SHARPIN: variants seen among roughly 807,000 people sequenced by gnomAD.
The protein encoded by SHARPIN is hSIPL1.
SHARPIN carries 25 observed loss-of-function variants against 40.3 expected under a neutral mutation model. The observed-to-expected ratio is 0.62, with a 90% CI of 0.45 to 0.87. The LOEUF (loss-of-function observed/expected upper bound fraction) is 0.87. SHARPIN is among the 40% of genes least tolerant of loss of function. The pLI is 0.00. For missense variants in SHARPIN, 551 were observed against 516.1 expected (o/e 1.07, Z -0.66); for synonymous variants, 274 against 221.8 (o/e 1.24, Z -2.09).
chr8:144,103,481 G>C, intron 1 of SHARPIN, 72 bp downstream of exon 1: 1 of 1,441,296 alleles, frequency 6.9e-7, no homozygotes, highest in Non-Finnish European at 9.3e-7. Flanking sequence ...GGCAAGCGGA[G>C]GGGCCTAACT....
Position 144,099,591 on chromosome 8 carries a change from G to C in SHARPIN, c.687C>G (p.Ala229=). Residue 229 remains alanine, a synonymous_variant, in exon 5 of 9, where the codon GCC becomes GCG. Coordinates refer to ENST00000398712, the MANE Select transcript of SHARPIN (RefSeq NM_030974.4). ...IRLQVTLEDA[A]SAASAASSAH... is the part of the protein sequence containing the mutation. ...CAGAGGACGCGGCGGATGCGGCAGA[G>C]GCAGCGTCTTCAAGTGTGACCTGCA... 1 of 1,614,082 alleles carries C rather than the reference G, an allele frequency of 6.2e-7. No individual in the cohort carries two copies.
rs1260749602 is a variant in SHARPIN at position 144,099,398 on chromosome 8, C to G, written c.801G>C (p.Val267=). The G allele has an allele frequency of 1.2e-6, 2 of 1,613,018 alleles. No individual in the cohort carries two copies. Among genetic ancestry groups the G allele is most frequent in the Non-Finnish European group, 1.7e-6 (2 of 1,179,504 alleles). ...GGCACCGTCCGATGACCCAGCGTTG[C>G]ACGGCTGGCGGGAAACCGAGCTCTG... ...VFSELGFPPA[V]QRWVIGRCLC... Residue 267 remains valine (V), a synonymous_variant, in exon 6 of 9, where the codon GTG becomes GTC. Transcript: ENST00000398712.
chr8:144,103,366 CT>C (rs1836329856), intron 1 of SHARPIN, 141 bp from the exon 2 acceptor site: 1 of 1,128,858 alleles, frequency 8.9e-7, no homozygotes. Context: ...CACAATAGCC[CT>C]GTAAAGTAGG....
At position 144,103,359 on chromosome 8, in the gene SHARPIN, A is replaced by G; in HGVS notation, c.202-134T>C. ...TGTACGCCTATCATCAAATCCTCAC[A>G]ATAGCCCTGTAAAGTAGGTCCAGGT... On this transcript the variant is annotated intron_variant, in intron 1 of 8. Coordinates refer to ENST00000398712, the MANE Select transcript of SHARPIN (RefSeq NM_030974.4). 3 of 1,148,644 alleles carry G rather than the reference A, an allele frequency of 2.6e-6. No homozygotes were observed. The South Asian group carries it at 4.6e-5, about 18-fold the overall frequency. 71.2% of individuals were successfully genotyped at this position (1,148,644 alleles called of 1,614,324 possible).
intron 5 of SHARPIN, 21 bp from the exon 6 acceptor site, chr8:144,099,451 C>G (rs755680467): frequency 3.7e-6 from 6 of 1,608,670 alleles, no homozygotes; most frequent in Non-Finnish European, 5.1e-6. Flanking sequence ...AGCATCAGGG[C>G]AGGTGATGTC....
At chr8:144,103,277 C>A in intron 1 of SHARPIN, 52 bp from the exon 2 acceptor site, 9 of 1,538,952 alleles carry the variant, frequency 5.8e-6, no homozygotes, top group Non-Finnish European at 7.0e-6. Flanking sequence ...CTACATCGCA[C>A]GAGGAGCAAA....
chr8:144,101,322 G>C (rs1836282622), intron 2 of SHARPIN, among the ~76,000 whole-genome samples: 2 of 149,038 alleles, frequency 1.3e-5, no homozygotes, highest in South Asian at 4.2e-4. Context: ...CTGCAGCCTA[G>C]AACCCCTGGG....
chr8:144,099,658 G>C (rs758854912), intron 4 of SHARPIN, 40 bp from the exon 5 acceptor site: 1 of 1,613,166 alleles, frequency 6.2e-7, no homozygotes, highest in Non-Finnish European at 8.5e-7. Context: ...TGGGGGACCT[G>C]GGATGGTCAC....
intron 2 of SHARPIN, 31 bp from the exon 3 acceptor site, chr8:144,100,100 TGGCCTCTGTCCA>T: frequency 1.3e-6 from 2 of 1,538,906 alleles, no homozygotes; most frequent in Non-Finnish European, 1.7e-6. Flanking sequence ...TGCTGTGCTG[TGGCCTCTGTCCA>T]GGCCTCTAGG....
chr8:144,098,946 G>A lies in SHARPIN; in HGVS notation c.1096C>T (p.Pro366Ser). The A allele has an allele frequency of 6.3e-7, 1 of 1,592,468 alleles. No homozygotes were observed. The highest frequency in any genetic ancestry group is 1.4e-5 in the African/African-American group (1 of 73,420). Reference protein sequence around the residue: ...SCTFINAPDRPGCEMCSTQRP... With the variant: ...SCTFINAPDRSGCEMCSTQRP... ...TGGGTGCTACACATCTCACAGCCAG[G>A]GCGGTCTGGGGCATTGATGAAGGTG... Residue 366 changes from proline to serine, a missense_variant, in exon 8 of 9, where the codon CCT becomes TCT. Physicochemically the swap from Pro to Ser is moderately conservative, Grantham distance 74. Transcript: ENST00000398712.
chr8:144,103,701 G>A lies in SHARPIN; in HGVS notation c.53C>T (p.Ala18Val), dbSNP rs1203741911. ...AAAAASDLGS[A>V]AVLLAVHAAV... ...GGCGTGCACAGCCAAGAGCACTGCG[G>A]CGGAGCCCAAGTCCGAGGCCGCCGC... Residue 18 changes from alanine to valine, a missense_variant, in exon 1 of 9, where the codon GCC becomes GTC. By Grantham distance (64) the Ala-to-Val change is moderately conservative. Transcript: ENST00000398712. 5 of 1,479,322 alleles carry A rather than the reference G, an allele frequency of 3.4e-6. No homozygotes were observed. Among genetic ancestry groups the A allele is most frequent in the African/African-American group, 2.9e-5 (2 of 67,990 alleles). 91.6% of individuals were successfully genotyped at this position (1,479,322 alleles called of 1,614,324 possible).
intron 1 of SHARPIN, 39 bp downstream of exon 1, chr8:144,103,514 G>C: frequency 6.6e-7 from 1 of 1,523,646 alleles, no homozygotes; most frequent in Non-Finnish European, 8.8e-7. Flanking sequence ...CCCTGCCCGG[G>C]CCAAGAGGAC....
rs201668898 is a variant in SHARPIN, at chr8:144,099,584, C to T, written c.694G>A (p.Ala232Thr). Residue 232 changes from alanine to threonine, a missense_variant, in exon 5 of 9, where the codon GCA (alanine) becomes ACA (threonine). Physicochemically the swap from Ala to Thr is moderately conservative, Grantham distance 58. Transcript: ENST00000398712. ...ACGTGTGCAGAGGACGCGGCGGATG[C>T]GGCAGAGGCAGCGTCTTCAAGTGTG... is the stretch of plus-strand genomic sequence containing the variant. ...QVTLEDAASA[A>T]SAASSAHVAL... 1.7e-4 allele frequency: 277 copies of T among 1,613,940 alleles called. No homozygotes were observed. Among genetic ancestry groups the T allele is most frequent in the Non-Finnish European group, 2.2e-4 (260 of 1,179,988 alleles).
intron 2 of SHARPIN, among the ~76,000 whole-genome samples, chr8:144,101,403 ATTTTTTTTT>A (rs34270727): frequency 3.2e-5 from 3 of 92,422 alleles, no homozygotes; most frequent in African/African-American, 9.0e-5. Flanking sequence ...CACTCAGCTA[ATTTTTTTTT>A]TTTTTTTTTT....
chr8:144,103,440 A>G, intron 1 of SHARPIN, 113 bp downstream of exon 1: 1 of 1,222,988 alleles, frequency 8.2e-7, no homozygotes, highest in Non-Finnish European at 1.1e-6. Context: ...AACAGAAGCA[A>G]AGAAACATAA....
In SHARPIN at chr8:144,099,853, TA is replaced by T. The variant is rs747883788; in HGVS notation, c.518-10del. 2 of 1,611,864 alleles carry T rather than the reference TA, an allele frequency of 1.2e-6. No individual in the cohort carries two copies. Among genetic ancestry groups the T allele is most frequent in the South Asian group, 2.2e-5 (2 of 91,022 alleles). On this transcript the variant is annotated splice_polypyrimidine_tract_variant and intron_variant, in intron 3 of 8. Coordinates refer to ENST00000398712, the MANE Select transcript of SHARPIN (RefSeq NM_030974.4). Reference sequence around the variant, plus strand: ...GCTCCCTGCCAGCTCTTCTGCAGGGTAAGGAAAGGACAGCTGTCACCACTGG... The same window carrying T: ...GCTCCCTGCCAGCTCTTCTGCAGGGTAGGAAAGGACAGCTGTCACCACTGG...
rs899594615 is a variant in SHARPIN at position 144,103,646 on chromosome 8, G to A, written c.108C>T (p.Asp36=). 146 of 1,524,706 alleles carry A rather than the reference G, an allele frequency of 9.6e-5. 2 individuals carry two copies. The highest frequency in any genetic ancestry group is 3.8e-4 in the African/African-American group (27 of 71,018). The allele number at this position is 1,524,706 out of a possible 1,614,324, so 94.4% of individuals were successfully genotyped here. A position where few individuals can be genotyped will look rare whatever the true frequency, so the allele number is the denominator to read the frequency against. Residue 36 remains aspartate (D), a synonymous_variant, in exon 1 of 9, where the codon GAC becomes GAT. Coordinates refer to ENST00000398712, the MANE Select transcript of SHARPIN (RefSeq NM_030974.4). The stretch of plus-strand genomic sequence containing the variant: ...GCAGCCTCCGCAGCTGTGCCTCGGC[G>A]TCTGGCCCGGCGCCCAGCGGCCTCA... ...AAVRPLGAGP[D]AEAQLRRLQL...
chr8:144,102,493 CA>C lies in SHARPIN; in HGVS notation c.376+557del. ...TTCACCTTGCTGACCAGGCTGGTCT[CA>C]AACTCCTGACATCAGGTGATCACCC... is the stretch of plus-strand genomic sequence containing the variant. On this transcript the variant is annotated intron_variant, in intron 2 of 8. Transcript: ENST00000398712. The C allele has an allele frequency of 1.9e-5, 3 of 160,890 alleles. No homozygotes were observed. The South Asian group carries it at 4.5e-4, about 24-fold the overall frequency. 10.0% of individuals were successfully genotyped at this position (160,890 alleles called of 1,614,324 possible). A position where few individuals can be genotyped will look rare whatever the true frequency, so the allele number is the denominator to read the frequency against.
In SHARPIN at chr8:144,099,273, T is replaced by C. The variant is rs572422598; in HGVS notation, c.922+4A>G. On this transcript the variant is annotated splice_donor_region_variant and intron_variant, in intron 6 of 8. Transcript: ENST00000398712. Reference sequence around the variant, plus strand: ...CCCACACCCCACCCCCATCGAGGACTGACCTGGGGCTTCTCGAGGAGCTGA... The same window carrying C: ...CCCACACCCCACCCCCATCGAGGACCGACCTGGGGCTTCTCGAGGAGCTGA... 4.5e-4 allele frequency: 734 copies of C among 1,614,020 alleles called. 13 individuals carry two copies. In the South Asian group the frequency reaches 7.6e-3, roughly 17 times the overall value.
Sources: gnomAD v4.1 joint callset for allele counts (sites outside exome capture counted in the v4.1 genomes callset) on GRCh38, gnomAD v4.1.1 for gene constraint, MANE v1.5 for transcripts, NCBI Gene and HGNC (gene_info 2026-07-23, HGNC 2026-07-21) for gene names.